ZNF385D: variants seen among roughly 807,000 people sequenced by gnomAD.
ZNF385D encodes zinc finger protein 659.
A neutral mutation model predicts 35.8 loss-of-function variants in ZNF385D; 15 were observed. The ratio of observed to expected loss-of-function variants is 0.42; its 90% CI spans 0.28 to 0.64. The LOEUF (loss-of-function observed/expected upper bound fraction) is 0.64. Ranked by LOEUF, ZNF385D falls within the 30% of genes least tolerant of loss-of-function variation. The pLI, the probability that ZNF385D is intolerant of heterozygous loss-of-function variation, is 0.23. For synonymous variants in ZNF385D, 212 were observed against 186.8 expected, an observed-to-expected ratio of 1.13 and a Z score of -1.10; for missense variants, 474 against 494.6, an observed-to-expected ratio of 0.96 and a Z score of 0.39.
Position 21,421,322 on chromosome 3 carries a change from A to C in ZNF385D, c.1080T>G (p.Ala360=). The C allele has an allele frequency of 6.2e-7, 1 of 1,613,972 alleles. No individual in the cohort carries two copies. Among genetic ancestry groups the C allele is most frequent in the Non-Finnish European group, 8.5e-7 (1 of 1,179,910 alleles). Residue 360 remains alanine (A), a synonymous_variant, in exon 8 of 8, where the codon GCT becomes GCG. Transcript: ENST00000281523. ...AAGTCTGGAACAGTGTTGCTGCTGG[A>C]GCAGTTCGAAGACTGAAGGGGGAAC... ...AVSSPFSLRT[A]PAATLFQTSA...
At chr3:21,749,462 T>C (rs2069950374) in intron 1 of ZNF385D, among the ~76,000 whole-genome samples, 1 of 152,214 alleles carries the variant, frequency 6.6e-6, no homozygotes, top group African/African-American at 2.4e-5. Flanking sequence ...TTCAGTATCA[T>C]TACTGATGCT....
intron 2 of ZNF385D, among the ~76,000 whole-genome samples, chr3:22,345,953 A>G (rs543654797): frequency 6.6e-6 from 1 of 152,292 alleles, no homozygotes; most frequent in South Asian, 2.1e-4. Context: ...TGACTGCATC[A>G]CAGTTCAGCT....
At chr3:22,157,315 A>G (rs1705652050) in intron 3 of ZNF385D, among the ~76,000 whole-genome samples, 1 of 152,156 alleles carries the variant, frequency 6.6e-6, no homozygotes, top group Non-Finnish European at 1.5e-5. Context: ...AATCTAGAAC[A>G]ATGTAAATGC....
intron 3 of ZNF385D, among the ~76,000 whole-genome samples, chr3:21,767,874 A>T (rs2070901215): frequency 6.6e-6 from 1 of 152,120 alleles, no homozygotes. Flanking sequence ...GAATGCATGT[A>T]GTATTTTATA....
In ZNF385D at chr3:22,272,070, G is replaced by A. The variant is rs117026962; in HGVS notation, c.106+100380C>T. Reference sequence around the variant, plus strand: ...GTGTTTTGTGTTTTTACATCCCATCGTATCCACAAAATGCCATATGTGTCT... The same window carrying A: ...GTGTTTTGTGTTTTTACATCCCATCATATCCACAAAATGCCATATGTGTCT... On this transcript the variant is annotated intron_variant, in intron 2 of 5. Transcript: ENST00000494108. 5.9e-4 allele frequency among the ~76,000 whole-genome samples: 89 copies of A among 151,914 alleles called. 1 individual carries two copies. In the East Asian group the frequency reaches 0.014, roughly 23 times the overall value.
At chr3:21,542,481 A>G (rs929548895) in intron 3 of ZNF385D, among the ~76,000 whole-genome samples, 5 of 151,948 alleles carry the variant, frequency 3.3e-5, no homozygotes, top group Non-Finnish European at 7.4e-5. Flanking sequence ...TCAAGTAGCT[A>G]GGACTACAGG....
intron 3 of ZNF385D, among the ~76,000 whole-genome samples, chr3:21,913,574 TTTTG>T (rs1422338921): frequency 7.2e-5 from 11 of 152,154 alleles, no homozygotes; most frequent in Admixed American, 6.6e-5. Flanking sequence ...CATCATTTTA[TTTTG>T]TTTATCTCTG....
At chr3:21,759,001 A>AAAAAAAAAAAAAAC (rs1559593528) in intron 3 of ZNF385D, among the ~76,000 whole-genome samples, 1 of 133,144 alleles carries the variant, frequency 7.5e-6, no homozygotes, top group Non-Finnish European at 1.6e-5. Flanking sequence ...AAAAAAAAAA[A>AAAAAAAAAAAAAAC]AAAAACAGTG....
In ZNF385D at chr3:21,428,289, C is replaced by T. The variant is rs75825872; in HGVS notation, c.674-2619G>A. On this transcript the variant is annotated intron_variant, in intron 5 of 7. Coordinates refer to ENST00000281523, the MANE Select transcript of ZNF385D (RefSeq NM_024697.3). ...TGCTAAATTTTTTACCTGCTCACAG[C>T]TACCCTATGAGCTGGGTGCTATTAT... is the stretch of plus-strand genomic sequence containing the variant. Among the ~76,000 whole-genome samples the T allele has an allele frequency of 1.8e-3, 276 of 152,192 alleles. 7 individuals carry two copies. The East Asian group carries it at 0.047, about 26-fold the overall frequency.
intron 4 of ZNF385D, among the ~76,000 whole-genome samples, chr3:21,476,416 A>G (rs555665373): frequency 6.6e-6 from 1 of 152,164 alleles, no homozygotes; most frequent in African/African-American, 2.4e-5. Context: ...ATAATTCTAA[A>G]AATTAGACCT....
intron 2 of ZNF385D, among the ~76,000 whole-genome samples, chr3:22,334,602 A>T (rs1695083219): frequency 6.6e-6 from 1 of 152,170 alleles, no homozygotes; most frequent in South Asian, 2.1e-4. Context: ...TCTGACCATA[A>T]TAGTTGAATT....
At chr3:21,949,375 G>C (rs1033888353) in intron 3 of ZNF385D, among the ~76,000 whole-genome samples, 1 of 151,878 alleles carries the variant, frequency 6.6e-6, no homozygotes, top group Non-Finnish European at 1.5e-5. Flanking sequence ...GATGTGCTGT[G>C]CCTTTTCCAT....
At chr3:22,148,275 G>C (rs1704991322) in intron 3 of ZNF385D, among the ~76,000 whole-genome samples, 1 of 152,166 alleles carries the variant, frequency 6.6e-6, no homozygotes, top group Non-Finnish European at 1.5e-5. Context: ...TCCAGAAGCA[G>C]TAAAAGTCTT....
At chr3:21,641,875 A>C (rs901278992) in intron 2 of ZNF385D, among the ~76,000 whole-genome samples, 4 of 152,002 alleles carry the variant, frequency 2.6e-5, no homozygotes, top group African/African-American at 9.7e-5. Context: ...CTAAAATATC[A>C]AGCTGCACAC....
chr3:21,937,727 G>A (rs1701328185), intron 3 of ZNF385D, among the ~76,000 whole-genome samples: 1 of 152,202 alleles, frequency 6.6e-6, no homozygotes, highest in East Asian at 1.9e-4. Context: ...AGAAAAAAAT[G>A]TGTTTTCCTT....
intron 2 of ZNF385D, among the ~76,000 whole-genome samples, chr3:21,657,618 A>G (rs1203877909): frequency 6.6e-6 from 1 of 151,970 alleles, no homozygotes; most frequent in Non-Finnish European, 1.5e-5. Context: ...GAAGATAGCA[A>G]TCAATACTGT....
At chr3:21,457,033 G>A (rs1477930149) in intron 4 of ZNF385D, among the ~76,000 whole-genome samples, 1 of 152,142 alleles carries the variant, frequency 6.6e-6, no homozygotes, top group Non-Finnish European at 1.5e-5. Context: ...CTACTGGAAT[G>A]TAAAATCTAC....
At chr3:22,313,472 T>C (rs1703701554) in intron 2 of ZNF385D, among the ~76,000 whole-genome samples, 1 of 152,096 alleles carries the variant, frequency 6.6e-6, no homozygotes. Flanking sequence ...AAAATTAAAT[T>C]ATGAATAAAT....
chr3:21,413,934 A>G lies in ZNF385D; in HGVS notation c.*7280T>C, dbSNP rs1700527409. 6.6e-6 allele frequency: 1 copy of G among 152,126 alleles called. No individual in the cohort carries two copies. Among genetic ancestry groups the G allele is most frequent in the South Asian group, 2.1e-4 (1 of 4,834 alleles). The allele number at this position is 152,126 out of a possible 1,614,324, so 9.4% of individuals were successfully genotyped here. On this transcript the variant is annotated 3_prime_UTR_variant, in exon 8 of 8. Coordinates refer to ENST00000281523, the MANE Select transcript of ZNF385D (RefSeq NM_024697.3). ...AATTTATTCGACAGTGTCTGTTTGT[A>G]GTTTTATTGTGAAGAACAGCCATTT...
Sources: allele counts gnomAD v4.1 joint callset (sites outside exome capture counted in the v4.1 genomes callset), GRCh38; gene constraint gnomAD v4.1.1; transcripts MANE v1.5; gene names NCBI Gene and HGNC (gene_info 2026-07-23, HGNC 2026-07-21).